The following PTPRM variants were observed in gnomAD, a reference collection of about 807,000 sequenced individuals.
The protein encoded by PTPRM is receptor-type tyrosine-protein phosphatase mu.
A neutral mutation model predicts 186.7 loss-of-function variants in PTPRM; 47 were observed. The ratio of observed to expected loss-of-function variants is 0.25; its 90% CI spans 0.20 to 0.32. The LOEUF (loss-of-function observed/expected upper bound fraction) is 0.32. PTPRM is among the 10% of genes least tolerant of loss of function. The probability of loss-of-function intolerance (pLI) is 1.00; values close to 1 mark genes in which losing one functional copy is unlikely to be tolerated. For synonymous variants in PTPRM, 668 were observed against 674.9 expected, an observed-to-expected ratio of 0.99 and a Z score of 0.16; for missense variants, 1,494 against 1,865.0, an observed-to-expected ratio of 0.80 and a Z score of 3.66.
At position 7,955,350 on chromosome 18, in the gene PTPRM, C is replaced by G. The variant is rs1294392500; in HGVS notation, c.1068C>G (p.Thr356=). 6.2e-7 allele frequency: 1 copy of G among 1,614,180 alleles called. No individual in the cohort carries two copies. Among genetic ancestry groups the G allele is most frequent in the Non-Finnish European group, 8.5e-7 (1 of 1,180,034 alleles). ...DTEYEISVLL[T]RPGEGGTGSP... is the part of the protein sequence containing the mutation. Reference sequence around the variant, plus strand: ...AATATGAGATTAGTGTGCTCCTGACCAGGCCAGGGGAGGGTGGCACTGGCT... The same window carrying G: ...AATATGAGATTAGTGTGCTCCTGACGAGGCCAGGGGAGGGTGGCACTGGCT... Residue 356 remains threonine, a synonymous_variant, in exon 7 of 33, where the codon ACC becomes ACG. Transcript: ENST00000580170.
At chr18:7,890,854 A>G (rs1417954690) in intron 3 of PTPRM, among the ~76,000 whole-genome samples, 7 of 152,196 alleles carry the variant, frequency 4.6e-5, no homozygotes, top group Non-Finnish European at 8.8e-5. Context: ...ATGGAAGAAA[A>G]TTTAATGATA....
intron 14 of PTPRM, among the ~76,000 whole-genome samples, chr18:8,231,906 G>A (rs1252093505): frequency 1.3e-5 from 2 of 152,112 alleles, no homozygotes; most frequent in African/African-American, 4.8e-5. Context: ...AATCCGTGAG[G>A]CTCTATTGCC....
At chr18:8,115,211 C>A (rs996568928) in intron 13 of PTPRM, among the ~76,000 whole-genome samples, 2 of 152,074 alleles carry the variant, frequency 1.3e-5, no homozygotes, top group African/African-American at 2.4e-5. Context: ...AAATATCACC[C>A]ACTATTTTTA....
At chr18:8,356,945 T>A (rs1254219995) in intron 23 of PTPRM, among the ~76,000 whole-genome samples, 1 of 152,252 alleles carries the variant, frequency 6.6e-6, no homozygotes, top group Non-Finnish European at 1.5e-5. Flanking sequence ...GAGAGATATT[T>A]TCCTGTTTGC....
chr18:8,156,940 A>G (rs2093133384), intron 14 of PTPRM, among the ~76,000 whole-genome samples: 1 of 152,160 alleles, frequency 6.6e-6, no homozygotes, highest in Non-Finnish European at 1.5e-5. Context: ...ATAACTCTCA[A>G]TGGTGAGGAT....
chr18:8,262,284 A>T (rs1190411298), intron 19 of PTPRM, among the ~76,000 whole-genome samples: 1 of 151,776 alleles, frequency 6.6e-6, no homozygotes, highest in African/African-American at 2.4e-5. Flanking sequence ...TCTGTTCCAG[A>T]CTCTGCAACC....
At chr18:8,258,343 C>G (rs911687752) in intron 19 of PTPRM, among the ~76,000 whole-genome samples, 1 of 152,146 alleles carries the variant, frequency 6.6e-6, no homozygotes, top group Admixed American at 6.5e-5. Flanking sequence ...CCCTGCCCCA[C>G]GCAGACTTCT....
chr18:7,989,577 A>G (rs1057514106), intron 7 of PTPRM, among the ~76,000 whole-genome samples: 1 of 152,194 alleles, frequency 6.6e-6, no homozygotes, highest in Non-Finnish European at 1.5e-5. Flanking sequence ...CCCACTATGC[A>G]TATGGGATTT....
chr18:7,659,553 A>G (rs2038931840), intron 1 of PTPRM, among the ~76,000 whole-genome samples: 2 of 152,200 alleles, frequency 1.3e-5, no homozygotes, highest in Non-Finnish European at 2.9e-5. Flanking sequence ...TACCTTGCTT[A>G]ACTGACATTC....
At chr18:7,610,682 G>A (rs1267959025) in intron 1 of PTPRM, among the ~76,000 whole-genome samples, 1 of 152,206 alleles carries the variant, frequency 6.6e-6, no homozygotes, top group East Asian at 1.9e-4. Context: ...CGCATTATTT[G>A]TGTTTGTGGT....
At position 8,068,396 on chromosome 18, in the gene PTPRM, G is replaced by A. The variant is rs79658223; in HGVS notation, c.1133-1290G>A. Among the ~76,000 whole-genome samples, 1,248 of 152,248 alleles carry A rather than the reference G, an allele frequency of 8.2e-3. 35 individuals carry two copies. The highest frequency in any genetic ancestry group is 0.075 in the East Asian group (386 of 5,172). On this transcript the variant is annotated intron_variant, in intron 7 of 32. Transcript: ENST00000580170. The stretch of plus-strand genomic sequence containing the variant: ...CCTGAATGCTGAATTTTTTGTAGTA[G>A]TGCATGGTACATTATAAGTGCTTGG...
rs200652767 is a variant in PTPRM at position 8,013,579 on chromosome 18, G to A, written c.1133-56107G>A. Among the ~76,000 whole-genome samples, 5 of 152,272 alleles carry A rather than the reference G, an allele frequency of 3.3e-5. No homozygotes were observed. The East Asian group carries it at 9.7e-4, about 29-fold the overall frequency. ...CAGGAGTGAGTGGGAAGTTGGTTTG[G>A]CTGTCTCAGGTGCCAGAGATGGAGG... On this transcript the variant is annotated intron_variant, in intron 7 of 32. Coordinates refer to ENST00000580170, the MANE Select transcript of PTPRM (RefSeq NM_001105244.2).
rs534732116 is a variant in PTPRM, at chr18:7,960,719, C to T, written c.1132+5305C>T. On this transcript the variant is annotated intron_variant, in intron 7 of 32. Coordinates refer to ENST00000580170, the MANE Select transcript of PTPRM (RefSeq NM_001105244.2). ...ATTGCAGTGAGCTGTAATCACACCA[C>T]TGCACTCCATCATCGACAGAGTAAA... is the stretch of plus-strand genomic sequence containing the variant. 3.9e-4 allele frequency among the ~76,000 whole-genome samples: 59 copies of T among 152,072 alleles called. 3 individuals carry two copies. The South Asian group carries it at 0.012, about 31-fold the overall frequency.
At chr18:8,000,431 C>T (rs2083802773) in intron 7 of PTPRM, among the ~76,000 whole-genome samples, 1 of 152,058 alleles carries the variant, frequency 6.6e-6, no homozygotes, top group Admixed American at 6.6e-5. Context: ...TACTGTGTGC[C>T]AATAAGTGAA....
chr18:8,276,979 G>A (rs1266967095), intron 19 of PTPRM, among the ~76,000 whole-genome samples: 1 of 150,146 alleles, frequency 6.7e-6, no homozygotes, highest in African/African-American at 2.5e-5. Context: ...TCACTCTGTT[G>A]CCCAGGCTGG....
At chr18:7,857,587 G>A (rs1429244185) in intron 2 of PTPRM, among the ~76,000 whole-genome samples, 1 of 152,166 alleles carries the variant, frequency 6.6e-6, no homozygotes, top group Non-Finnish European at 1.5e-5. Flanking sequence ...CCTGTGACAG[G>A]ACAGTTCTGT....
At position 7,676,507 on chromosome 18, in the gene PTPRM, A is replaced by C. The variant is rs540777901; in HGVS notation, c.74-97642A>C. On this transcript the variant is annotated intron_variant, in intron 1 of 32. Coordinates refer to ENST00000580170, the MANE Select transcript of PTPRM (RefSeq NM_001105244.2). ...TCAATAATAGTGATGTTTTTAGCTCAGCTGTCATCTCCCTACCCCCAAACC... is the reference window on the plus strand; with the variant it reads ...TCAATAATAGTGATGTTTTTAGCTCCGCTGTCATCTCCCTACCCCCAAACC... 1.2e-4 allele frequency among the ~76,000 whole-genome samples: 18 copies of C among 152,280 alleles called. No homozygotes were observed. The South Asian group carries it at 3.7e-3, about 32-fold the overall frequency.
chr18:7,965,982 A>T (rs2054018312), intron 7 of PTPRM, among the ~76,000 whole-genome samples: 1 of 152,220 alleles, frequency 6.6e-6, no homozygotes, highest in South Asian at 2.1e-4. Flanking sequence ...AAGATAAATG[A>T]GAGCTAAAAC....
At chr18:8,330,229 TG>T (rs1486927995) in intron 22 of PTPRM, among the ~76,000 whole-genome samples, 2 of 152,164 alleles carry the variant, frequency 1.3e-5, no homozygotes, top group East Asian at 3.9e-4. Context: ...TTTTCACCCA[TG>T]GGCACAGTTT....
Sources: allele counts gnomAD v4.1 joint callset (sites outside exome capture counted in the v4.1 genomes callset), GRCh38; gene constraint gnomAD v4.1.1; transcripts MANE v1.5; gene names NCBI Gene and HGNC (gene_info 2026-07-23, HGNC 2026-07-21).